The following PARD3B variants were observed in gnomAD, a reference collection of about 807,000 sequenced individuals.
PARD3B encodes the protein par-3 family cell polarity regulator beta.
Under a neutral mutation model 130.2 loss-of-function variants are expected in PARD3B, and 103 were observed. The observed-to-expected ratio is 0.79, with a 90% CI of 0.67 to 0.93. PARD3B has a LOEUF of 0.93. PARD3B is among the 40% of genes least tolerant of loss of function. The probability of loss-of-function intolerance (pLI) is 0.00; values close to 1 mark genes in which losing one functional copy is unlikely to be tolerated. For synonymous variants in PARD3B, 583 were observed against 553.2 expected, an observed-to-expected ratio of 1.05 and a Z score of -0.76; for missense variants, 1,609 against 1,499.2, an observed-to-expected ratio of 1.07 and a Z score of -1.21.
At chr2:205,223,084 C>G (rs1046553611) in intron 15 of PARD3B, among the ~76,000 whole-genome samples, 1 of 151,966 alleles carries the variant, frequency 6.6e-6, no homozygotes, top group South Asian at 2.1e-4. Flanking sequence ...AGTACAGGTC[C>G]CAGAAGGAGT....
chr2:205,124,466 G>A lies in PARD3B; in HGVS notation c.1305G>A (p.Glu435=), dbSNP rs773663312. The change falls in exon 9 of 23, where the codon GAG becomes GAA. Residue 435 remains glutamate (E), a splice_region_variant and synonymous_variant. Coordinates refer to ENST00000406610, the MANE Select transcript of PARD3B (RefSeq NM_001302769.2). ...TACAATCAGGGGACAGAATTTTGGA[G>A]GTAAGAATTGGAATTAATAGTTGTA... is the stretch of plus-strand genomic sequence containing the variant. ...GRLQSGDRIL[E]VNGRDVTGRT... is the part of the protein sequence containing the mutation. 1.3e-6 allele frequency: 2 copies of A among 1,579,182 alleles called. No homozygotes were observed. The highest frequency in any genetic ancestry group is 1.4e-5 in the African/African-American group (1 of 73,810).
rs367679256 is a variant in PARD3B, at chr2:205,580,040, A to G, written c.3260+26637A>G. Among the ~76,000 whole-genome samples, 224 of 152,318 alleles carry G rather than the reference A, an allele frequency of 1.5e-3. 1 individual carries two copies. Among genetic ancestry groups the G allele is most frequent in the African/African-American group, 4.7e-3 (197 of 41,584 alleles). On this transcript the variant is annotated intron_variant, in intron 22 of 22. Coordinates refer to ENST00000406610, the MANE Select transcript of PARD3B (RefSeq NM_001302769.2). ...CTGTGAACTTAAAGATGATACTTGC[A>G]TAAAGAGATTTGTCCCTTGGATTAT...
At chr2:205,195,846 T>C (rs887456315) in intron 15 of PARD3B, among the ~76,000 whole-genome samples, 19 of 151,872 alleles carry the variant, frequency 1.3e-4, no homozygotes, top group African/African-American at 4.4e-4. Flanking sequence ...AAAAACCTTC[T>C]ATTTGTTACA....
intron 22 of PARD3B, among the ~76,000 whole-genome samples, chr2:205,566,118 G>A (rs2053324509): frequency 6.6e-6 from 1 of 152,168 alleles, no homozygotes; most frequent in Non-Finnish European, 1.5e-5. Flanking sequence ...TGTGTGACTG[G>A]AACAAAGACT....
At chr2:205,115,033 A>G (rs1431717258) in intron 6 of PARD3B, among the ~76,000 whole-genome samples, 1 of 152,162 alleles carries the variant, frequency 6.6e-6, no homozygotes, top group East Asian at 1.9e-4. Context: ...TTAAATGACC[A>G]GGCTCTTTAG....
intron 1 of PARD3B, among the ~76,000 whole-genome samples, chr2:204,660,264 C>T (rs2035760983): frequency 6.6e-6 from 1 of 152,138 alleles, no homozygotes; most frequent in South Asian, 2.1e-4. Flanking sequence ...TCCATTTCAA[C>T]CATGTTTATT....
At chr2:205,057,873 C>CT (rs1289172552) in intron 4 of PARD3B, among the ~76,000 whole-genome samples, 5 of 129,390 alleles carry the variant, frequency 3.9e-5, no homozygotes, top group African/African-American at 5.6e-5. Flanking sequence ...CTTGGTATGG[C>CT]TTTTTAAAAA....
intron 2 of PARD3B, among the ~76,000 whole-genome samples, chr2:204,755,482 T>A (rs2040628472): frequency 2.0e-5 from 3 of 152,130 alleles, no homozygotes; most frequent in Admixed American, 2.0e-4. Flanking sequence ...TAAATGGGTG[T>A]AGAGGGGAAG....
chr2:204,651,576 A>C (rs567710860), intron 1 of PARD3B, among the ~76,000 whole-genome samples: 1 of 152,126 alleles, frequency 6.6e-6, no homozygotes, highest in African/African-American at 2.4e-5. Context: ...ACTTTCCTAG[A>C]CACATGGTAT....
At chr2:204,705,080 T>C (rs1223488336) in intron 2 of PARD3B, among the ~76,000 whole-genome samples, 1 of 152,142 alleles carries the variant, frequency 6.6e-6, no homozygotes, top group Non-Finnish European at 1.5e-5. Flanking sequence ...ACATCAAATA[T>C]AGTACAGGAA....
At chr2:204,811,801 A>G (rs948915998) in intron 2 of PARD3B, among the ~76,000 whole-genome samples, 1 of 152,130 alleles carries the variant, frequency 6.6e-6, no homozygotes, top group South Asian at 2.1e-4. Flanking sequence ...TCAGTCTGCT[A>G]TCATCTACAT....
chr2:205,425,550 T>TA (rs34514205), intron 19 of PARD3B, among the ~76,000 whole-genome samples: 143 of 134,676 alleles, frequency 1.1e-3, no homozygotes, highest in African/African-American at 1.7e-3. Flanking sequence ...AGACTCGGTG[T>TA]AAAAAAAAAA....
intron 15 of PARD3B, among the ~76,000 whole-genome samples, chr2:205,206,389 C>A (rs1241499351): frequency 1.4e-5 from 2 of 146,646 alleles, no homozygotes; most frequent in Non-Finnish European, 3.0e-5. Flanking sequence ...ACAACAGTCC[C>A]CAGAGTGTGA....
At chr2:205,494,306 C>T (rs2049844928) in intron 20 of PARD3B, among the ~76,000 whole-genome samples, 1 of 152,086 alleles carries the variant, frequency 6.6e-6, no homozygotes. Context: ...CAGATAATTC[C>T]CAGGTCCCAC....
Position 205,183,472 on chromosome 2 carries a change from G to A in PARD3B, c.1925-2292G>A, listed in dbSNP as rs1278826137. On this transcript the variant is annotated intron_variant, in intron 13 of 22. Transcript: ENST00000406610. The surrounding 1 kb of genome is among the most constrained non-coding windows in gnomAD (Gnocchi z 5.2). ...TGTTCTGTTTCTCTTAGCAAGTCTT[G>A]AATGCCTGACTGCTGCCACCACTAA... Among the ~76,000 whole-genome samples the A allele has an allele frequency of 6.6e-6, 1 of 152,142 alleles. No homozygotes were observed. Among genetic ancestry groups the A allele is most frequent in the Non-Finnish European group, 1.5e-5 (1 of 68,000 alleles).
At chr2:205,239,286 A>G (rs2039244904) in intron 15 of PARD3B, among the ~76,000 whole-genome samples, 1 of 152,084 alleles carries the variant, frequency 6.6e-6, no homozygotes, top group South Asian at 2.1e-4. Context: ...TGCTCCTCCC[A>G]GATCAATTGA....
At chr2:204,786,255 G>A (rs2042007545) in intron 2 of PARD3B, among the ~76,000 whole-genome samples, 1 of 152,150 alleles carries the variant, frequency 6.6e-6, no homozygotes, top group South Asian at 2.1e-4. Context: ...AACAGGCACA[G>A]TTTGATTCTA....
intron 1 of PARD3B, among the ~76,000 whole-genome samples, chr2:204,626,811 A>AT (rs367787667): frequency 4.0e-5 from 6 of 151,090 alleles, no homozygotes; most frequent in South Asian, 2.1e-4. Flanking sequence ...ATTTTCTATG[A>AT]TTTTTTTTTC....
At position 205,113,393 on chromosome 2, in the gene PARD3B, G is replaced by GGTGTGT. The variant is rs3217407; in HGVS notation, c.594-73_594-68dup. On this transcript the variant is annotated intron_variant, in intron 5 of 22. Coordinates refer to ENST00000406610, the MANE Select transcript of PARD3B (RefSeq NM_001302769.2). ...ATTAGTTGATATAATCCTGAGCAGG[G>GGTGTGT]GTGTGTGTGTGTGTGTGTGTGTGTG... 5.7e-3 allele frequency: 3,260 copies of GGTGTGT among 571,382 alleles called. 46 individuals carry two copies. The highest frequency in any genetic ancestry group is 0.028 in the African/African-American group (1,234 of 43,468). The allele number at this position is 571,382 out of a possible 1,614,324, so 35.4% of individuals were successfully genotyped here.
Sources: gnomAD v4.1 joint callset for allele counts (sites outside exome capture counted in the v4.1 genomes callset) on GRCh38, gnomAD v4.1.1 for gene constraint, Gnocchi (gnomAD v3.1) non-coding constraint, MANE v1.5 for transcripts, NCBI Gene and HGNC (gene_info 2026-07-23, HGNC 2026-07-21) for gene names.